Variants in CYLC1 observed in about 807,000 individuals in gnomAD.
CYLC1 encodes cylicin-1.
A neutral mutation model predicts 31.6 loss-of-function variants in CYLC1; 2 were observed. The ratio of observed to expected loss-of-function variants is 0.06; its 90% CI spans 0.03 to 0.20. CYLC1 has a LOEUF of 0.20. Ranked by LOEUF, CYLC1 falls within the 10% of genes least tolerant of loss-of-function variation. The pLI is 1.00. For synonymous variants in CYLC1, 185 were observed against 153.0 expected (o/e 1.21, Z -1.54); for missense variants, 595 against 424.1 (o/e 1.40, Z -3.54).
intron 4 of CYLC1, among the ~76,000 whole-genome samples, chrX:83,880,506 A>G (rs1339831060): frequency 1.8e-5 from 2 of 111,789 alleles, no homozygotes; most frequent in Admixed American, 1.9e-4. Flanking sequence ...TGGCTACTGC[A>G]TACAGCTTTG....
Position 83,874,597 on chromosome X carries a change from C to T in CYLC1, c.1889C>T (p.Pro630Leu), listed in dbSNP as rs201051221. Residue 630 changes from proline (P) to leucine (L), a missense_variant, in exon 4 of 5, where the codon CCT (proline) becomes CTT (leucine). Coordinates refer to ENST00000329312, the MANE Select transcript of CYLC1 (RefSeq NM_021118.3). ...AGACGTCTTTGTTGGTGCAAGATGC[C>T]TCCTCCACCTCCAAAACCAAGATAT... Reference protein sequence around the residue: ...KVRRLCWCKMPPPPPKPRYAP... With the variant: ...KVRRLCWCKMLPPPPKPRYAP... 2.5e-6 allele frequency: 3 copies of T among 1,200,379 alleles called. No individual in the cohort carries two copies. Among genetic ancestry groups the T allele is most frequent in the Admixed American group, 2.3e-5 (1 of 44,109 alleles).
At chrX:83,877,465 C>A (rs1353301121) in intron 4 of CYLC1, among the ~76,000 whole-genome samples, 1 of 110,572 alleles carries the variant, frequency 9.0e-6, no homozygotes, top group African/African-American at 3.3e-5. Context: ...TAGCCCCTAC[C>A]CATTTTTCAC....
At chrX:83,874,762 G>A (rs1307299012) in intron 4 of CYLC1, 131 bp downstream of exon 4, 8 of 723,414 alleles carry the variant, frequency 1.1e-5, no homozygotes, top group East Asian at 3.8e-5. Flanking sequence ...GTGACTCGAA[G>A]GTAAGAAAAA....
intron 4 of CYLC1, among the ~76,000 whole-genome samples, chrX:83,878,155 TAA>T (rs1301933072): frequency 1.3e-4 from 6 of 44,598 alleles, no homozygotes; most frequent in African/African-American, 9.6e-5. Flanking sequence ...TATTTGTATA[TAA>T]ATATATATAT....
intron 1 of CYLC1, among the ~76,000 whole-genome samples, chrX:83,866,685 A>G (rs892752394): frequency 5.4e-5 from 6 of 110,881 alleles, no homozygotes; most frequent in Non-Finnish European, 9.4e-5. Context: ...TTTAGTCTAT[A>G]TTCCTGGCTT....
At chrX:83,880,198 T>C (rs1007109169) in intron 4 of CYLC1, among the ~76,000 whole-genome samples, 1 of 111,998 alleles carries the variant, frequency 8.9e-6, no homozygotes, top group African/African-American at 3.2e-5. Flanking sequence ...TATTTTGCTG[T>C]GCACAAATAC....
At chrX:83,864,756 A>G (rs2031569221) in intron 1 of CYLC1, 1 of 305,410 alleles carries the variant, frequency 3.3e-6, no homozygotes, top group Non-Finnish European at 6.2e-6. Context: ...TGGCTTTCAC[A>G]TTTACAATTC....
chrX:83,863,219 C>T (rs943727612), intron 1 of CYLC1, among the ~76,000 whole-genome samples: 4 of 111,910 alleles, frequency 3.6e-5, no homozygotes, highest in African/African-American at 1.3e-4. Context: ...TTACATCCTA[C>T]TTTAGTGGTT....
intron 1 of CYLC1, chrX:83,864,825 A>T: frequency 4.7e-6 from 1 of 212,624 alleles, no homozygotes; most frequent in South Asian, 6.1e-5. Context: ...CTTGGTTATC[A>T]TGTCACTCTG....
rs774324882 is a variant in CYLC1, at chrX:83,873,184, A to G, written c.476A>G (p.Asp159Gly). 19 of 1,206,990 alleles carry G rather than the reference A, an allele frequency of 1.6e-5. No individual in the cohort carries two copies. The East Asian group carries it at 5.0e-4, about 32-fold the overall frequency. The change falls in exon 4 of 5, where the codon GAT becomes GGT. Residue 159 changes from aspartate (D) to glycine (G), a missense_variant. Coordinates refer to ENST00000329312, the MANE Select transcript of CYLC1 (RefSeq NM_021118.3). ...EEKTKRQNEA[D>G]KTPLKSSHEN... ...AAAACTAAAAGACAAAATGAGGCAG[A>G]TAAAACTCCCTTAAAATCATCACAT... is the stretch of plus-strand genomic sequence containing the variant.
intron 1 of CYLC1, among the ~76,000 whole-genome samples, chrX:83,866,856 A>G (rs911722664): frequency 9.0e-6 from 1 of 111,365 alleles, no homozygotes; most frequent in Non-Finnish European, 1.9e-5. Context: ...AGAATTTCCT[A>G]AATAATTAAG....
rs2031661473 is a variant in CYLC1, at chrX:83,871,351, C to T, written c.59-101C>T. 5.7e-6 allele frequency: 3 copies of T among 523,022 alleles called. No individual in the cohort carries two copies. In the African/African-American group the frequency reaches 7.6e-5, roughly 13 times the overall value. The allele number at this position is 523,022 out of a possible 1,213,427, so 43.1% of individuals were successfully genotyped here. Reference sequence around the variant, plus strand: ...AAAAAATCTATATTTTAATGTATAACTTAGTTTAATTTAAATAATATGTTT... The same window carrying T: ...AAAAAATCTATATTTTAATGTATAATTTAGTTTAATTTAAATAATATGTTT... On this transcript the variant is annotated intron_variant, in intron 2 of 4. Coordinates refer to ENST00000329312, the MANE Select transcript of CYLC1 (RefSeq NM_021118.3).
intron 4 of CYLC1, among the ~76,000 whole-genome samples, chrX:83,882,858 G>GA (rs1158131031): frequency 1.3e-4 from 14 of 110,777 alleles, no homozygotes; most frequent in South Asian, 7.6e-4. Flanking sequence ...CAAGAGATCA[G>GA]AAAAAAATGA....
At chrX:83,870,810 A>G (rs892606290) in intron 2 of CYLC1, among the ~76,000 whole-genome samples, 1 of 110,917 alleles carries the variant, frequency 9.0e-6, no homozygotes, top group Non-Finnish European at 1.9e-5. Flanking sequence ...CTTTTGACAT[A>G]GTTTTCAGAT....
intron 1 of CYLC1, 144 bp downstream of exon 1, chrX:83,861,343 T>G: frequency 4.3e-6 from 2 of 467,825 alleles, no homozygotes; most frequent in African/African-American, 2.5e-5. Flanking sequence ...TAAACAGAGA[T>G]ATGAAATTTT....
rs2147780085 is a variant in CYLC1, at chrX:83,872,890, A to G, written c.182A>G (p.His61Arg). 8.7e-7 allele frequency: 1 copy of G among 1,150,388 alleles called. No homozygotes were observed. The highest frequency in any genetic ancestry group is 1.2e-6 in the Non-Finnish European group (1 of 865,504). 94.8% of individuals were successfully genotyped at this position (1,150,388 alleles called of 1,213,427 possible). ...TATTCTAACCAATCTTTTCAGAGAC[A>G]TGACAAAAGAAAACTAGAAGAAGGC... Reference protein sequence around the residue: ...PLKSQITVTRHDKRKLEEGQK... With the variant: ...PLKSQITVTRRDKRKLEEGQK... The change falls in exon 4 of 5, where the codon CAT (histidine) becomes CGT (arginine). Residue 61 changes from histidine to arginine, a missense_variant. By Grantham distance (29) the His-to-Arg change is conservative. Transcript: ENST00000329312.
At chrX:83,875,135 T>A (rs770066924) in intron 4 of CYLC1, among the ~76,000 whole-genome samples, 1 of 111,420 alleles carries the variant, frequency 9.0e-6, no homozygotes, top group Non-Finnish European at 1.9e-5. Context: ...CTCAAGTGGA[T>A]TTTTTATGAG....
intron 4 of CYLC1, among the ~76,000 whole-genome samples, chrX:83,876,312 T>C (rs913071898): frequency 9.1e-6 from 1 of 110,469 alleles, no homozygotes; most frequent in African/African-American, 3.3e-5. Flanking sequence ...AATGGATGGC[T>C]AACCACTAGT....
intron 2 of CYLC1, among the ~76,000 whole-genome samples, 180 bp downstream of exon 2, chrX:83,870,085 G>T (rs1450053501): frequency 1.8e-5 from 2 of 111,594 alleles, no homozygotes; most frequent in Non-Finnish European, 3.8e-5. Context: ...GTGTATGTGT[G>T]TGTATATCTC....
Sources: allele counts gnomAD v4.1 joint callset (sites outside exome capture counted in the v4.1 genomes callset), GRCh38; gene constraint gnomAD v4.1.1; transcripts MANE v1.5; gene names NCBI Gene and HGNC (gene_info 2026-07-23, HGNC 2026-07-21).